Variants in PPARGC1A observed in about 807,000 individuals in gnomAD.
PPARGC1A encodes peroxisome proliferator-activated receptor gamma coactivator 1-alpha.
Under a neutral mutation model 88.7 loss-of-function variants are expected in PPARGC1A, and 25 were observed. The observed-to-expected ratio is 0.28, with a 90% CI of 0.21 to 0.39. The LOEUF (loss-of-function observed/expected upper bound fraction) is 0.39, where lower values mean the gene tolerates loss of function less well. Among genes scored for constraint, PPARGC1A ranks in the 10% least tolerant of loss-of-function variants. The pLI is 1.00. For synonymous variants in PPARGC1A, 363 were observed against 355.6 expected (o/e 1.02, Z -0.24); for missense variants, 880 against 968.7 (o/e 0.91, Z 1.22).
At chr4:24,040,998 C>T in the PPARGC1A span, among the ~76,000 whole-genome samples, 1 of 152,134 alleles carries the variant, frequency 6.6e-6, no homozygotes, top group African/African-American at 2.4e-5. Context: ...CTAAACTGCT[C>T]AAGTTATTAT....
At chr4:24,306,173 T>C in the PPARGC1A span, among the ~76,000 whole-genome samples, 1 of 152,130 alleles carries the variant, frequency 6.6e-6, no homozygotes, top group Non-Finnish European at 1.5e-5. Context: ...ACGAGAGACT[T>C]ACCCAGAGTC....
chr4:23,828,491 G>T lies in PPARGC1A; in HGVS notation c.666C>A (p.His222Gln), dbSNP rs1396316290. The change falls in exon 5 of 13, where the codon CAC becomes CAA. Residue 222 changes from histidine (H) to glutamine (Q), a missense_variant. By Grantham distance (24) the His-to-Gln change is conservative. Transcript: ENST00000264867. ...KYLTTNDDPP[H>Q]TKPTENRNSS... ...TGTTTCTGTTCTCTGTGGGTTTGGT[G>T]TGAGGAGGGTCATCGTTTGTGGTCA... is the stretch of plus-strand genomic sequence containing the variant. 2 of 1,613,952 alleles carry T rather than the reference G, an allele frequency of 1.2e-6. No homozygotes were observed. Among genetic ancestry groups the T allele is most frequent in the Non-Finnish European group, 1.7e-6 (2 of 1,179,968 alleles).
chr4:24,430,944 C>T, the PPARGC1A span, among the ~76,000 whole-genome samples: 4 of 151,748 alleles, frequency 2.6e-5, no homozygotes, highest in Admixed American at 6.6e-5. Flanking sequence ...ATGGTGAAAC[C>T]CTTTCTCTAC....
the PPARGC1A span, among the ~76,000 whole-genome samples, chr4:24,361,992 C>A: frequency 4.6e-5 from 7 of 152,218 alleles, no homozygotes; most frequent in African/African-American, 1.7e-4. Flanking sequence ...ACTTTAGCCC[C>A]ATACTGACAT....
At chr4:23,928,771 A>AAAAAAAAC in the PPARGC1A span, among the ~76,000 whole-genome samples, 56 of 2,318 alleles carry the variant, frequency 0.024, 1 homozygote, top group Non-Finnish European at 0.027. Context: ...CAAAAAAAAC[A>AAAAAAAAC]AAAAAAAACA....
chr4:23,904,241 T>A (rs1366148045), upstream of PPARGC1A, among the ~76,000 whole-genome samples: 1 of 152,126 alleles, frequency 6.6e-6, no homozygotes, highest in Admixed American at 6.6e-5. Flanking sequence ...ATATGTACAG[T>A]ATCATGTGCT....
the PPARGC1A span, among the ~76,000 whole-genome samples, chr4:24,440,494 A>C: frequency 6.6e-6 from 1 of 152,030 alleles, no homozygotes; most frequent in Non-Finnish European, 1.5e-5. Context: ...TTTATTTCAG[A>C]GTGTTCATTA....
chr4:23,919,730 G>C, the PPARGC1A span, among the ~76,000 whole-genome samples: 1 of 152,114 alleles, frequency 6.6e-6, no homozygotes, highest in South Asian at 2.1e-4. Context: ...TACACTAATT[G>C]GTCAGGAGCC....
chr4:24,038,685 T>C, the PPARGC1A span, among the ~76,000 whole-genome samples: 1 of 152,126 alleles, frequency 6.6e-6, no homozygotes, highest in Admixed American at 6.6e-5. Flanking sequence ...CTGGCTTGGA[T>C]TTTTCCTTTC....
the PPARGC1A span, among the ~76,000 whole-genome samples, chr4:23,966,611 G>A: frequency 4.6e-5 from 7 of 152,122 alleles, no homozygotes; most frequent in Non-Finnish European, 1.0e-4. Flanking sequence ...TGACCCACTG[G>A]AGTAGTTCTT....
chr4:24,290,706 T>G, the PPARGC1A span, among the ~76,000 whole-genome samples: 1 of 152,082 alleles, frequency 6.6e-6, no homozygotes, highest in Admixed American at 6.5e-5. Flanking sequence ...GCTTGGCACA[T>G]AGTAGGCACT....
chr4:24,311,064 A>T, the PPARGC1A span, among the ~76,000 whole-genome samples: 1 of 150,618 alleles, frequency 6.6e-6, no homozygotes, highest in Admixed American at 6.6e-5. Context: ...TACGACATAG[A>T]ATAGTAAGTT....
At chr4:24,336,918 TTAAAA>T in the PPARGC1A span, among the ~76,000 whole-genome samples, 1 of 152,000 alleles carries the variant, frequency 6.6e-6, no homozygotes, top group East Asian at 1.9e-4. Context: ...AAAATTTAAT[TTAAAA>T]TAATAATAAA....
chr4:24,345,992 G>T, the PPARGC1A span, among the ~76,000 whole-genome samples: 2 of 152,140 alleles, frequency 1.3e-5, no homozygotes, highest in African/African-American at 4.8e-5. Flanking sequence ...ATCATAAAGT[G>T]ATGCTGGATT....
the PPARGC1A span, among the ~76,000 whole-genome samples, chr4:24,118,920 A>G: frequency 2.0e-5 from 3 of 152,228 alleles, no homozygotes; most frequent in African/African-American, 4.8e-5. Flanking sequence ...AAAAATGTCA[A>G]TGCAATCTAA....
the PPARGC1A span, among the ~76,000 whole-genome samples, chr4:24,396,772 C>T: frequency 2.0e-5 from 3 of 152,100 alleles, no homozygotes; most frequent in South Asian, 4.1e-4. Flanking sequence ...CTTCTCTATT[C>T]CCTTTCGGCT....
At position 23,884,869 on chromosome 4, in the gene PPARGC1A, A is replaced by C. The variant is rs181049080; in HGVS notation, c.117T>G (p.Ser39=). ...LCPDLPELDL[S]ELDVNDLDTD... ...TATCCAAGTCGTTCACATCTAGTTCAGAAAGATCAAGTTCAGGAAGATCTG... is the reference window on the plus strand; with the variant it reads ...TATCCAAGTCGTTCACATCTAGTTCCGAAAGATCAAGTTCAGGAAGATCTG... The change falls in exon 2 of 13, where the codon TCT becomes TCG. Residue 39 remains serine (S), a synonymous_variant. Transcript: ENST00000264867. 6.2e-7 allele frequency: 1 copy of C among 1,613,906 alleles called. No individual in the cohort carries two copies. The highest frequency in any genetic ancestry group is 8.5e-7 in the Non-Finnish European group (1 of 1,179,860).
chr4:24,332,613 T>C, the PPARGC1A span, among the ~76,000 whole-genome samples: 2 of 152,216 alleles, frequency 1.3e-5, no homozygotes, highest in Non-Finnish European at 2.9e-5. Flanking sequence ...TTTCATTTTG[T>C]GTATGTGAAA....
At chr4:23,836,180 G>A (rs1725976383) in intron 2 of PPARGC1A, among the ~76,000 whole-genome samples, 1 of 152,202 alleles carries the variant, frequency 6.6e-6, no homozygotes, top group Admixed American at 6.5e-5. Flanking sequence ...AGAGTAGGGA[G>A]GAAGAAAGAG....
Sources: allele counts gnomAD v4.1 joint callset (sites outside exome capture counted in the v4.1 genomes callset), GRCh38; gene constraint gnomAD v4.1.1; transcripts MANE v1.5; gene names NCBI Gene and HGNC (gene_info 2026-07-23, HGNC 2026-07-21).